Variants in CRACR2A observed in about 807,000 individuals in gnomAD.
The protein encoded by CRACR2A is EF-hand calcium-binding domain-containing protein 4B.
CRACR2A carries 79 observed loss-of-function variants against 90.5 expected under a neutral mutation model. The observed-to-expected ratio is 0.87, with a 90% CI of 0.73 to 1.05. The LOEUF (loss-of-function observed/expected upper bound fraction) is 1.05. Ranked by LOEUF, CRACR2A falls within the 50% of genes least tolerant of loss-of-function variation. CRACR2A has a pLI of 0.00. For synonymous variants in CRACR2A, 338 were observed against 356.7 expected (o/e 0.95, Z 0.59); for missense variants, 823 against 897.2 (o/e 0.92, Z 1.06).
chr12:3,669,506 C>T (rs1945203918), intron 7 of CRACR2A, among the ~76,000 whole-genome samples: 1 of 148,186 alleles, frequency 6.7e-6, no homozygotes, highest in Non-Finnish European at 1.5e-5. Flanking sequence ...CCACAAGGGG[C>T]TCAAATCCGA....
chr12:3,677,263 C>T (rs980686181), intron 6 of CRACR2A, among the ~76,000 whole-genome samples: 9 of 152,150 alleles, frequency 5.9e-5, no homozygotes, highest in Non-Finnish European at 1.2e-4. Context: ...TTTCTATTTC[C>T]CTATCTGAGG....
intron 7 of CRACR2A, 36 bp from the exon 8 acceptor site, chr12:3,659,690 TC>T: frequency 6.5e-7 from 1 of 1,547,420 alleles, no homozygotes; most frequent in Non-Finnish European, 8.9e-7. Context: ...TCATTGAGGT[TC>T]CCCTACTCCA....
In CRACR2A at chr12:3,632,751, A is replaced by G. The variant is rs796618630; in HGVS notation, c.1735+853T>C. On this transcript the variant is annotated intron_variant, in intron 15 of 19. Transcript: ENST00000440314. ...CCTGTCCCCCAGGGTTGTCGTGGACATAGATGGAAAGGATGACTATAAAAG... is the reference window on the plus strand; with the variant it reads ...CCTGTCCCCCAGGGTTGTCGTGGACGTAGATGGAAAGGATGACTATAAAAG... Among the ~76,000 whole-genome samples, 61 of 152,354 alleles carry G rather than the reference A, an allele frequency of 4.0e-4. 1 individual carries two copies. The highest frequency in any genetic ancestry group is 1.4e-3 in the African/African-American group (60 of 41,588).
At chr12:3,672,959 C>T (rs1454801433) in intron 7 of CRACR2A, 8 of 211,124 alleles carry the variant, frequency 3.8e-5, no homozygotes, top group African/African-American at 1.9e-4. Flanking sequence ...GCAAAGTGGG[C>T]TGATCTGGCC....
At chr12:3,678,872 T>C in intron 6 of CRACR2A, 43 bp downstream of exon 6, 1 of 1,560,586 alleles carries the variant, frequency 6.4e-7, no homozygotes, top group South Asian at 1.2e-5. Context: ...AAGAGGTTCC[T>C]ACCAGGCTGG....
Position 3,645,612 on chromosome 12 carries a change from C to T in CRACR2A, c.1119-972G>A, listed in dbSNP as rs375874398. On this transcript the variant is annotated intron_variant, in intron 11 of 19. Transcript: ENST00000440314. ...CTAAGAACAGATTGCTGGGGGCAAGCGTGGGGTCCTGACACTTGACGAATA... is the reference window on the plus strand; with the variant it reads ...CTAAGAACAGATTGCTGGGGGCAAGTGTGGGGTCCTGACACTTGACGAATA... Among the ~76,000 whole-genome samples, 15 of 152,212 alleles carry T rather than the reference C, an allele frequency of 9.9e-5. No individual in the cohort carries two copies. The South Asian group carries it at 1.2e-3, about 13-fold the overall frequency.
chr12:3,705,330 T>C (rs942927499), intron 3 of CRACR2A, among the ~76,000 whole-genome samples: 3 of 152,214 alleles, frequency 2.0e-5, no homozygotes, highest in Admixed American at 6.5e-5. Context: ...CCAAGGTAAT[T>C]CTAGCAGCTT....
At chr12:3,738,412 CA>C (rs1452115147) in intron 1 of CRACR2A, among the ~76,000 whole-genome samples, 9 of 151,754 alleles carry the variant, frequency 5.9e-5, no homozygotes, top group African/African-American at 1.9e-4. Flanking sequence ...GTGCAGGAGA[CA>C]AAAAGTCATG....
At chr12:3,647,985 G>C in intron 11 of CRACR2A, 2 of 985,618 alleles carry the variant, frequency 2.0e-6, no homozygotes, top group Non-Finnish European at 2.4e-6. Flanking sequence ...TTTGAAGGCT[G>C]AGAAAGCTTT....
chr12:3,662,594 G>A (rs1339545955), intron 7 of CRACR2A, among the ~76,000 whole-genome samples: 1 of 152,230 alleles, frequency 6.6e-6, no homozygotes, highest in African/African-American at 2.4e-5. Context: ...TCCCCAGGGG[G>A]AAGAGAGTCT....
At chr12:3,747,627 G>T (rs1946646122) in intron 1 of CRACR2A, among the ~76,000 whole-genome samples, 1 of 152,206 alleles carries the variant, frequency 6.6e-6, no homozygotes, top group African/African-American at 2.4e-5. Context: ...GGTAATAGAA[G>T]ATTTTCCTCT....
chr12:3,659,627 G>A lies in CRACR2A; in HGVS notation c.699C>T (p.Ile233=). 6.2e-7 allele frequency: 1 copy of A among 1,614,118 alleles called. No homozygotes were observed. Among genetic ancestry groups the A allele is most frequent in the Non-Finnish European group, 8.5e-7 (1 of 1,180,004 alleles). The part of the protein sequence containing the change: ...KRKIAAYDEE[I]QHLYEEMEQQ... ...GTTCCATCTCCTCATAGAGATGCTG[G>A]ATTTCTTCATCATAAGCAGCAATTT... Residue 233 remains isoleucine (I), a synonymous_variant, in exon 8 of 20, where the codon ATC becomes ATT. Transcript: ENST00000440314.
intron 13 of CRACR2A, among the ~76,000 whole-genome samples, chr12:3,639,848 G>A (rs1044294234): frequency 6.6e-6 from 1 of 152,158 alleles, no homozygotes; most frequent in African/African-American, 2.4e-5. Context: ...AAAGCCAAAT[G>A]TCTTCTTTCC....
chr12:3,747,770 C>T (rs2137927112), intron 1 of CRACR2A, among the ~76,000 whole-genome samples: 1 of 152,352 alleles, frequency 6.6e-6, no homozygotes, highest in African/African-American at 2.4e-5. Flanking sequence ...GGCAGCCACA[C>T]CCGCTGGTTC....
Position 3,710,680 on chromosome 12 carries a change from C to A in CRACR2A, c.-37+2557G>T, listed in dbSNP as rs1000271139. On this transcript the variant is annotated intron_variant, in intron 3 of 19. Transcript: ENST00000440314. ...TAGTGATGCGTGCCTGTAATCCCAG[C>A]TACTCGGGAGGCTGAGGCAGGAGAA... 3.3e-5 allele frequency among the ~76,000 whole-genome samples: 5 copies of A among 151,896 alleles called. No individual in the cohort carries two copies. In the East Asian group the frequency reaches 9.7e-4, roughly 29 times the overall value.
intron 4 of CRACR2A, among the ~76,000 whole-genome samples, chr12:3,692,651 G>A (rs1483700055): frequency 6.6e-6 from 1 of 152,176 alleles, no homozygotes; most frequent in Non-Finnish European, 1.5e-5. Flanking sequence ...CAGCAGCAGT[G>A]GCAGCAGCAT....
intron 8 of CRACR2A, 100 bp downstream of exon 8, chr12:3,659,464 A>G: frequency 1.1e-6 from 1 of 914,736 alleles, no homozygotes; most frequent in Non-Finnish European, 1.7e-6. Context: ...AGAGGGAATC[A>G]ATAGTGCATG....
chr12:3,732,689 C>T (rs1946379934), intron 2 of CRACR2A: 1 of 152,192 alleles, frequency 6.6e-6, no homozygotes, highest in Non-Finnish European at 1.5e-5. Flanking sequence ...GAGAAGCAGA[C>T]CCTGTGGGAT....
chr12:3,649,107 C>G (rs1401190786), intron 10 of CRACR2A, among the ~76,000 whole-genome samples: 24 of 152,002 alleles, frequency 1.6e-4, no homozygotes, highest in Admixed American at 1.6e-3. Flanking sequence ...GGAGGGATAG[C>G]ATTAGGAGAT....
Sources: gnomAD v4.1 joint callset for allele counts (sites outside exome capture counted in the v4.1 genomes callset) on GRCh38, gnomAD v4.1.1 for gene constraint, MANE v1.5 for transcripts, NCBI Gene and HGNC (gene_info 2026-07-23, HGNC 2026-07-21) for gene names.